Variants in BNC2 observed in about 807,000 individuals in gnomAD.
The protein encoded by BNC2 is zinc finger protein basonuclin-2.
Under a neutral mutation model 76.3 loss-of-function variants are expected in BNC2, and 20 were observed. That is an observed-to-expected ratio of 0.26 (90% CI 0.18 to 0.38). BNC2 has a LOEUF of 0.38. Ranked by LOEUF, BNC2 falls within the 10% of genes least tolerant of loss-of-function variation. The probability of loss-of-function intolerance (pLI) is 1.00; values close to 1 mark genes in which losing one functional copy is unlikely to be tolerated. For synonymous variants in BNC2, 582 were observed against 514.8 expected, an observed-to-expected ratio of 1.13 and a Z score of -1.77; for missense variants, 1,382 against 1,399.8, an observed-to-expected ratio of 0.99 and a Z score of 0.20.
chr9:16,731,231 A>T (rs1824495183), intron 2 of BNC2, among the ~76,000 whole-genome samples: 1 of 152,234 alleles, frequency 6.6e-6, no homozygotes, highest in Non-Finnish European at 1.5e-5. Flanking sequence ...ATTTAAAACT[A>T]GAAGGAAGAA....
intron 3 of BNC2, among the ~76,000 whole-genome samples, chr9:16,629,470 G>T (rs1370766493): frequency 2.0e-5 from 3 of 152,156 alleles, no homozygotes; most frequent in Admixed American, 6.5e-5. Flanking sequence ...GGGGAGTTCA[G>T]TGCTGGGCTG....
At position 16,419,415 on chromosome 9, in the gene BNC2, C is replaced by A; in HGVS notation, c.2874G>T (p.Met958Ile). 6.2e-7 allele frequency: 1 copy of A among 1,604,272 alleles called. No homozygotes were observed. Among genetic ancestry groups the A allele is most frequent in the South Asian group, 1.1e-5 (1 of 89,454 alleles). Residue 958 changes from methionine to isoleucine, a missense_variant, in exon 7 of 7, where the codon ATG becomes ATT. Met to Ile is a conservative substitution (Grantham distance 10, BLOSUM62 1). Transcript: ENST00000380672. ...GYGRGMAEDY[M>I]VLDLSTTSSL... is the part of the protein sequence containing the mutation. ...TGGAGGTGGTGCTCAAGTCAAGGAC[C>A]ATGTAGTCCTCTGCCATGCCTCTCC...
At chr9:16,636,337 C>G (rs1360945838) in intron 3 of BNC2, among the ~76,000 whole-genome samples, 4 of 152,050 alleles carry the variant, frequency 2.6e-5, no homozygotes, top group African/African-American at 9.6e-5. Flanking sequence ...GGGTCTTGCT[C>G]TGTCACCCAA....
At chr9:16,815,462 C>A (rs1222638948) in intron 1 of BNC2, among the ~76,000 whole-genome samples, 1 of 152,174 alleles carries the variant, frequency 6.6e-6, no homozygotes, top group Non-Finnish European at 1.5e-5. Context: ...CAGGCAACTG[C>A]AATGGTCACA....
chr9:16,437,581 A>G, intron 5 of BNC2, 57 bp from the exon 6 acceptor site: 1 of 1,577,370 alleles, frequency 6.3e-7, no homozygotes, highest in Non-Finnish European at 8.6e-7. Context: ...TTGATTGTGC[A>G]TAATTATTCA....
intron 4 of BNC2, among the ~76,000 whole-genome samples, chr9:16,563,194 G>A (rs560815069): frequency 6.6e-6 from 1 of 152,116 alleles, no homozygotes; most frequent in Non-Finnish European, 1.5e-5. Context: ...GCAACAGTAA[G>A]ATAAAAGCAT....
chr9:16,573,363 A>T (rs1015886280), intron 4 of BNC2, among the ~76,000 whole-genome samples: 43 of 152,212 alleles, frequency 2.8e-4, no homozygotes, highest in Admixed American at 2.8e-3. Flanking sequence ...TCAAAAATAT[A>T]TGGAAGAACA....
chr9:16,578,397 G>C (rs1819544052), intron 4 of BNC2, among the ~76,000 whole-genome samples: 1 of 152,120 alleles, frequency 6.6e-6, no homozygotes, highest in Non-Finnish European at 1.5e-5. Context: ...TCGTGCAGCA[G>C]TCCTCAACCT....
intron 3 of BNC2, among the ~76,000 whole-genome samples, chr9:16,692,796 C>T (rs7037540): frequency 0.99 from 151,121 of 152,250 alleles, 75,002 homozygotes; most frequent in Middle Eastern, 1. Flanking sequence ...TTGGAATGAC[C>T]GAAAAGATCG....
intron 1 of BNC2, among the ~76,000 whole-genome samples, chr9:16,804,904 A>C (rs1443671341): frequency 1.3e-5 from 2 of 152,096 alleles, no homozygotes; most frequent in Non-Finnish European, 2.9e-5. Flanking sequence ...TCTACTAAAA[A>C]TACAAAAATT....
intron 3 of BNC2, among the ~76,000 whole-genome samples, chr9:16,628,700 G>A (rs141625489): frequency 6.6e-6 from 1 of 152,144 alleles, no homozygotes; most frequent in African/African-American, 2.4e-5. Context: ...TTTTAAACTT[G>A]CCATTTATAC....
At chr9:16,428,450 C>T (rs551538796) in intron 6 of BNC2, among the ~76,000 whole-genome samples, 3 of 152,198 alleles carry the variant, frequency 2.0e-5, no homozygotes, top group Admixed American at 6.5e-5. Flanking sequence ...CATCACTTTC[C>T]GAGATGTAGA....
At chr9:16,851,383 G>A (rs1177153654) in intron 1 of BNC2, among the ~76,000 whole-genome samples, 1 of 152,072 alleles carries the variant, frequency 6.6e-6, no homozygotes, top group Non-Finnish European at 1.5e-5. Flanking sequence ...GCTCATGCGT[G>A]TAGTCCCAGC....
intron 3 of BNC2, among the ~76,000 whole-genome samples, chr9:16,675,787 C>G (rs2134229155): frequency 6.6e-6 from 1 of 152,176 alleles, no homozygotes; most frequent in South Asian, 2.1e-4. Context: ...CCAGCTTTGG[C>G]CGGGCTCGGT....
intron 1 of BNC2, among the ~76,000 whole-genome samples, chr9:16,807,581 C>T (rs1022248421): frequency 1.3e-5 from 2 of 152,094 alleles, no homozygotes; most frequent in Non-Finnish European, 2.9e-5. Context: ...CAGGGAAATG[C>T]TCCATGAAGA....
chr9:16,438,817 A>C (rs1821071755), intron 5 of BNC2, among the ~76,000 whole-genome samples: 1 of 152,162 alleles, frequency 6.6e-6, no homozygotes, highest in Admixed American at 6.5e-5. Flanking sequence ...CGTGAGTAGA[A>C]ATCACGCCAT....
intron 1 of BNC2, among the ~76,000 whole-genome samples, chr9:16,832,018 C>G (rs532319752): frequency 6.6e-6 from 1 of 152,174 alleles, no homozygotes; most frequent in African/African-American, 2.4e-5. Context: ...TTAAAGAAAG[C>G]CAGAAAAGTT....
intron 1 of BNC2, among the ~76,000 whole-genome samples, chr9:16,748,821 C>A (rs1587377150): frequency 1.0e-5 from 1 of 98,454 alleles, no homozygotes; most frequent in African/African-American, 4.1e-5. Flanking sequence ...CCAGCCTGGG[C>A]AACAGAGCGA....
At chr9:16,829,367 T>C (rs942614802) in intron 1 of BNC2, among the ~76,000 whole-genome samples, 7 of 152,228 alleles carry the variant, frequency 4.6e-5, no homozygotes, top group African/African-American at 1.4e-4. Context: ...TTGTTCCATA[T>C]GCATACTCAA....
Sources: gnomAD v4.1 joint callset for allele counts (sites outside exome capture counted in the v4.1 genomes callset) on GRCh38, gnomAD v4.1.1 for gene constraint, MANE v1.5 for transcripts, NCBI Gene and HGNC (gene_info 2026-07-23, HGNC 2026-07-21) for gene names.